Variants in DNAAF2 observed in about 807,000 individuals in gnomAD.
The protein encoded by DNAAF2 is dynein axonemal assembly factor 2, also known as protein kintoun.
DNAAF2 carries 58 observed loss-of-function variants against 48.8 expected under a neutral mutation model. The observed-to-expected ratio is 1.19, with a 90% CI of 0.96 to 1.48. The LOEUF (loss-of-function observed/expected upper bound fraction) is 1.48. Among genes scored for constraint, DNAAF2 ranks in the 40% most tolerant of loss-of-function variants. DNAAF2 has a pLI of 0.00. For missense variants in DNAAF2, 1,241 were observed against 1,116.1 expected (o/e 1.11, Z -1.59); for synonymous variants, 567 against 481.2 (o/e 1.18, Z -2.33).
rs1883301063 is a variant in DNAAF2 at position 49,634,923 on chromosome 14, T to C, written c.227A>G (p.His76Arg). ...EVRFVHPEPG[H>R]VLRTSLDGAR... The stretch of plus-strand genomic sequence containing the variant: ...CCCGTCCAGGCTGGTGCGCAGCACA[T>C]GGCCGGGCTCCGGGTGCACGAACCG... Residue 76 changes from histidine to arginine, a missense_variant, in exon 1 of 3, where the codon CAT becomes CGT. Physicochemically the swap from His to Arg is conservative, Grantham distance 29. Coordinates refer to ENST00000298292, the MANE Select transcript of DNAAF2 (RefSeq NM_018139.3). 2.6e-6 allele frequency: 4 copies of C among 1,553,558 alleles called. No homozygotes were observed. The highest frequency in any genetic ancestry group is 3.5e-6 in the Non-Finnish European group (4 of 1,148,440).
chr14:49,631,289 T>C (rs117698222), intron 1 of DNAAF2, among the ~76,000 whole-genome samples: 1 of 152,314 alleles, frequency 6.6e-6, no homozygotes, highest in East Asian at 1.9e-4. Context: ...TAATTTTTAG[T>C]TATCCGAAGG....
intron 1 of DNAAF2, among the ~76,000 whole-genome samples, chr14:49,628,813 A>G (rs1463503211): frequency 6.6e-6 from 1 of 152,242 alleles, no homozygotes; most frequent in Admixed American, 6.5e-5. Flanking sequence ...GATCCCAGAT[A>G]CAAAATATAA....
At chr14:49,630,668 T>TA (rs1348552175) in intron 1 of DNAAF2, among the ~76,000 whole-genome samples, 65 of 52,670 alleles carry the variant, frequency 1.2e-3, no homozygotes, top group Admixed American at 5.9e-3. Context: ...AAACTCTCTC[T>TA]CCACACACAC....
Position 49,626,007 on chromosome 14 carries a change from C to T in DNAAF2, c.2049G>A (p.Glu683=). Residue 683 remains glutamate (E), a synonymous_variant, in exon 3 of 3, where the codon GAG becomes GAA. Coordinates refer to ENST00000298292, the MANE Select transcript of DNAAF2 (RefSeq NM_018139.3). ...CSNSDQLQGK[E]ERVNEESHLT... ...GATGACTTTCTTCATTTACTCTTTC[C>T]TCCTTTCCTTGTAGCTGATCAGAGT... 1 of 1,576,184 alleles carries T rather than the reference C, an allele frequency of 6.3e-7. No individual in the cohort carries two copies. The highest frequency in any genetic ancestry group is 8.6e-7 in the Non-Finnish European group (1 of 1,163,574).
In DNAAF2 at chr14:49,630,711, TACACAC is replaced by T. The variant is rs34629972; in HGVS notation, c.1864-2562_1864-2557del. On this transcript the variant is annotated intron_variant, in intron 1 of 2. Transcript: ENST00000298292. ...CACACACACACACACATAAACTCTC[TACACAC>T]ACACACACACACACAAACTCTCTAC... Among the ~76,000 whole-genome samples, 101 of 120,116 alleles carry T rather than the reference TACACAC, an allele frequency of 8.4e-4. 2 individuals are homozygous for T. The highest frequency in any genetic ancestry group is 2.2e-3 in the African/African-American group (72 of 33,152). The allele number at this position is 120,116 out of a possible 152,430, so 78.8% of individuals were successfully genotyped here. A position where few individuals can be genotyped will look rare whatever the true frequency, so the allele number is the denominator to read the frequency against.
rs140482121 is a variant in DNAAF2 at position 49,628,445 on chromosome 14, T to C, written c.1864-290A>G. Among the ~76,000 whole-genome samples the C allele has an allele frequency of 4.2e-4, 64 of 152,244 alleles. No homozygotes were observed. The East Asian group carries it at 0.012, about 28-fold the overall frequency. ...CTGACCTTTTAGTATTTTTCTTTCT[T>C]TTTTTGTTTCTTTTGTTTTGTTTTT... On this transcript the variant is annotated intron_variant, in intron 1 of 2. Transcript: ENST00000298292.
At chr14:49,628,393 T>C (rs1883065919) in intron 1 of DNAAF2, among the ~76,000 whole-genome samples, 1 of 151,924 alleles carries the variant, frequency 6.6e-6, no homozygotes, top group South Asian at 2.1e-4. Flanking sequence ...AAGAAAGAGG[T>C]CTTGGTACTT....
At position 49,634,690 on chromosome 14, in the gene DNAAF2, C is replaced by T. The variant is rs1302191659; in HGVS notation, c.460G>A (p.Ala154Thr). ...TGGCGGAAGCCCTCGTGCCGCCGGG[C>T]CAGCGCAAGCGCGTCTGGATGGAAG... ...VVFHPDALAL[A>T]RRHEGFRQML... Residue 154 changes from alanine to threonine, a missense_variant, in exon 1 of 3, where the codon GCC (alanine) becomes ACC (threonine). By Grantham distance (58) the Ala-to-Thr change is moderately conservative (BLOSUM62 0). Coordinates refer to ENST00000298292, the MANE Select transcript of DNAAF2 (RefSeq NM_018139.3). The T allele has an allele frequency of 1.9e-6, 3 of 1,606,030 alleles. No individual in the cohort carries two copies. Among genetic ancestry groups the T allele is most frequent in the East Asian group, 2.2e-5 (1 of 44,884 alleles).
rs2139580967 is a variant in DNAAF2, at chr14:49,633,592, G to T, written c.1558C>A (p.Pro520Thr). The change falls in exon 1 of 3, where the codon CCT becomes ACT. Residue 520 changes from proline (P) to threonine (T), a missense_variant. Coordinates refer to ENST00000298292, the MANE Select transcript of DNAAF2 (RefSeq NM_018139.3). ...TTACACAGTAACGGAGGACACAAAG[G>T]CTCCCCGCTCTTGGTCCCGGGACCA... is the stretch of plus-strand genomic sequence containing the variant. ...MGGPGTKSGE[P>T]LCPPLLCNQD... 3.7e-6 allele frequency: 6 copies of T among 1,613,886 alleles called. No individual in the cohort carries two copies. The highest frequency in any genetic ancestry group is 4.2e-6 in the Non-Finnish European group (5 of 1,179,878).
rs1882976503 is a variant in DNAAF2, at chr14:49,625,464, A to G, written c.*78T>C. On this transcript the variant is annotated 3_prime_UTR_variant, in exon 3 of 3. Coordinates refer to ENST00000298292, the MANE Select transcript of DNAAF2 (RefSeq NM_018139.3). ...TTATACTTTAATACCTTTAGTTTTA[A>G]GACAACAGTTAACAGAATCAATTTT... 2 of 1,114,936 alleles carry G rather than the reference A, an allele frequency of 1.8e-6. No individual in the cohort carries two copies. Among genetic ancestry groups the G allele is most frequent in the African/African-American group, 1.6e-5 (1 of 61,940 alleles). 69.1% of individuals were successfully genotyped at this position (1,114,936 alleles called of 1,614,324 possible).
intron 2 of DNAAF2, 26 bp downstream of exon 2, chr14:49,627,985 CT>C (rs1483517469): frequency 6.5e-7 from 1 of 1,537,080 alleles, no homozygotes; most frequent in Non-Finnish European, 8.7e-7. Context: ...TTCATTACTC[CT>C]CTATAGAGCC....
intron 2 of DNAAF2, among the ~76,000 whole-genome samples, chr14:49,627,511 A>G (rs1883038877): frequency 1.3e-5 from 2 of 152,206 alleles, no homozygotes; most frequent in Admixed American, 6.5e-5. Context: ...GGGATTAAAT[A>G]ATGTGAAAAT....
At position 49,628,108 on chromosome 14, in the gene DNAAF2, C is replaced by T. The variant is rs767355281; in HGVS notation, c.1911G>A (p.Glu637=). Reference sequence around the variant, plus strand: ...ACTGTTTGAATGGAGAGCTCAGGACCTCTTCAAGAAACTCATTAACATTTT... The same window carrying T: ...ACTGTTTGAATGGAGAGCTCAGGACTTCTTCAAGAAACTCATTAACATTTT... ...NEENVNEFLE[E]VLSSPFKQSM... is the part of the protein sequence containing the mutation. The change falls in exon 2 of 3, where the codon GAG becomes GAA. Residue 637 remains glutamate (E), a synonymous_variant. Coordinates refer to ENST00000298292, the MANE Select transcript of DNAAF2 (RefSeq NM_018139.3). 1.3e-5 allele frequency: 21 copies of T among 1,592,516 alleles called. No individual in the cohort carries two copies. Among genetic ancestry groups the T allele is most frequent in the Non-Finnish European group, 1.7e-5 (20 of 1,168,142 alleles).
intron 2 of DNAAF2, 122 bp downstream of exon 2, chr14:49,627,890 C>A: frequency 1.0e-5 from 10 of 970,210 alleles, no homozygotes; most frequent in Non-Finnish European, 1.0e-5. Context: ...CTTCTCTTAA[C>A]ATCACTCTGC....
At chr14:49,631,144 C>T (rs7142457) in intron 1 of DNAAF2, among the ~76,000 whole-genome samples, 98,372 of 152,048 alleles carry the variant, frequency 0.65, 33,810 homozygotes, top group Non-Finnish European at 0.76. Flanking sequence ...TTTAGAGTAA[C>T]TGGCTTTGCT....
rs779297300 is a variant in DNAAF2 at position 49,633,916 on chromosome 14, C to T, written c.1234G>A (p.Val412Ile). 7 of 1,532,574 alleles carry T rather than the reference C, an allele frequency of 4.6e-6. No homozygotes were observed. The highest frequency in any genetic ancestry group is 2.7e-5 in the African/African-American group (2 of 73,002). 94.9% of individuals were successfully genotyped at this position (1,532,574 alleles called of 1,614,324 possible). The stretch of plus-strand genomic sequence containing the variant: ...ACCTCCGGGTCGCCCAGGGTGGTGA[C>T]CCCGGAGCCCGCAGCCCCAGCCACG... The part of the protein sequence containing the change: ...TCVAGAAGSG[V>I]TTLGDPEVAP... Residue 412 changes from valine (V) to isoleucine (I), a missense_variant, in exon 1 of 3, where the codon GTC becomes ATC. Physicochemically the swap from Val to Ile is conservative, Grantham distance 29 (BLOSUM62 3). Transcript: ENST00000298292.
intron 1 of DNAAF2, among the ~76,000 whole-genome samples, chr14:49,631,295 G>A (rs906852500): frequency 3.9e-5 from 6 of 152,050 alleles, no homozygotes; most frequent in Admixed American, 2.6e-4. Context: ...TTAGTTATCC[G>A]AAGGAATATA....
intron 1 of DNAAF2, among the ~76,000 whole-genome samples, chr14:49,630,294 T>C (rs557727623): frequency 2.0e-5 from 3 of 152,078 alleles, no homozygotes; most frequent in South Asian, 2.1e-4. Flanking sequence ...CATGAAAAGA[T>C]TTCTAAACTA....
Position 49,625,582 on chromosome 14 carries a change from G to A in DNAAF2, c.2474C>T (p.Ala825Val). The change falls in exon 3 of 3, where the codon GCA becomes GTA. Residue 825 changes from alanine to valine, a missense_variant. Ala to Val is a moderately conservative substitution (Grantham distance 64). Coordinates refer to ENST00000298292, the MANE Select transcript of DNAAF2 (RefSeq NM_018139.3). ...QVIKDHVTNC[A>V]FSFQNSLLYD... ...TAGCAAAGAATTCTGAAAACTGAAT[G>A]CACAATTGGTCACATGATCTTTAAT... 1 of 1,605,932 alleles carries A rather than the reference G, an allele frequency of 6.2e-7. No homozygotes were observed. Among genetic ancestry groups the A allele is most frequent in the Non-Finnish European group, 8.5e-7 (1 of 1,177,058 alleles).
Sources: allele counts gnomAD v4.1 joint callset (sites outside exome capture counted in the v4.1 genomes callset), GRCh38; gene constraint gnomAD v4.1.1; transcripts MANE v1.5; gene names NCBI Gene and HGNC (gene_info 2026-07-23, HGNC 2026-07-21).